CAPN2: variants seen among roughly 807,000 people sequenced by gnomAD.
The protein encoded by CAPN2 is calpain 2, also known as calpain-2 catalytic subunit.
In CAPN2, 92 loss-of-function variants were observed where a neutral mutation model predicts 102.3. That is an observed-to-expected ratio of 0.90 (90% CI 0.76 to 1.07). CAPN2 has a LOEUF of 1.07. Among genes scored for constraint, CAPN2 ranks in the 50% least tolerant of loss-of-function variants. CAPN2 has a pLI of 0.00. For missense variants in CAPN2, 800 were observed against 909.4 expected (o/e 0.88, Z 1.55); for synonymous variants, 340 against 355.4 (o/e 0.96, Z 0.49).
intron 2 of CAPN2, among the ~76,000 whole-genome samples, chr1:223,732,456 A>C (rs1387846077): frequency 6.6e-6 from 1 of 152,174 alleles, no homozygotes; most frequent in Non-Finnish European, 1.5e-5. Context: ...ACGTAGGGTA[A>C]CTTCCTGATG....
intron 1 of CAPN2, among the ~76,000 whole-genome samples, chr1:223,714,887 T>A (rs893271148): frequency 3.9e-5 from 6 of 152,200 alleles, no homozygotes; most frequent in Non-Finnish European, 5.9e-5. Context: ...CAGATGAGGA[T>A]GTAGAGGTCT....
intron 2 of CAPN2, among the ~76,000 whole-genome samples, chr1:223,737,994 A>G (rs551479979): frequency 1.0e-3 from 159 of 152,210 alleles, no homozygotes; most frequent in African/African-American, 3.6e-3. Context: ...CCTCATGCAC[A>G]AGTTCTATAC....
chr1:223,761,691 A>G, intron 13 of CAPN2, 74 bp downstream of exon 13: 7 of 1,274,044 alleles, frequency 5.5e-6, no homozygotes, highest in South Asian at 3.8e-5. Flanking sequence ...AAAAACTCCA[A>G]GAGTTTTTGG....
At position 223,745,274 on chromosome 1, in the gene CAPN2, T is replaced by A. The variant is rs749585291; in HGVS notation, c.427-32T>A. 1.4e-5 allele frequency: 23 copies of A among 1,613,672 alleles called. No homozygotes were observed. In the South Asian group the frequency reaches 1.6e-4, roughly 12 times the overall value. ...TCAGAGTCCCAGTGCTGCCACCAGC[T>A]CCTCCTGCAGCCCACCTCTCTTGTT... On this transcript the variant is annotated intron_variant, in intron 3 of 20. Coordinates refer to ENST00000295006, the MANE Select transcript of CAPN2 (RefSeq NM_001748.5).
At chr1:223,733,573 A>G (rs1367060551) in intron 2 of CAPN2, among the ~76,000 whole-genome samples, 1 of 152,090 alleles carries the variant, frequency 6.6e-6, no homozygotes, top group Admixed American at 6.6e-5. Context: ...GAGTGGAAGG[A>G]AGGGCTGGCT....
chr1:223,763,061 A>T (rs1393746045), intron 14 of CAPN2, among the ~76,000 whole-genome samples: 1 of 151,960 alleles, frequency 6.6e-6, no homozygotes, highest in Non-Finnish European at 1.5e-5. Context: ...GAGCTCAAGC[A>T]GTCCTCCCAC....
intron 1 of CAPN2, among the ~76,000 whole-genome samples, chr1:223,715,449 G>C (rs116505493): frequency 0.01 from 1,587 of 152,190 alleles, 22 homozygotes; most frequent in African/African-American, 0.036. Flanking sequence ...AGGCAGGGAG[G>C]GGGCAGTGAA....
chr1:223,768,612 A>C (rs1451146356), intron 16 of CAPN2, among the ~76,000 whole-genome samples: 3 of 151,532 alleles, frequency 2.0e-5, no homozygotes, highest in Non-Finnish European at 4.4e-5. Flanking sequence ...GTTTGAAGTC[A>C]GGTAGTGTGA....
chr1:223,727,267 C>T lies in CAPN2; in HGVS notation c.307+9436C>T, dbSNP rs79484389. Among the ~76,000 whole-genome samples the T allele has an allele frequency of 3.9e-4, 60 of 152,308 alleles. 3 individuals are homozygous for T. The East Asian group carries it at 6.9e-3, about 18-fold the overall frequency. On this transcript the variant is annotated intron_variant, in intron 2 of 20. Coordinates refer to ENST00000295006, the MANE Select transcript of CAPN2 (RefSeq NM_001748.5). This position sits in a 1 kb window ranked among gnomAD's most constrained non-coding sequence, Gnocchi z 4.1. Reference sequence around the variant, plus strand: ...AAAGAAATATAACGCAAAACAGGTACGATTTGAGATCCATCAGGGTTTCTC... The same window carrying T: ...AAAGAAATATAACGCAAAACAGGTATGATTTGAGATCCATCAGGGTTTCTC...
At chr1:223,715,798 C>T (rs7524132) in intron 1 of CAPN2, among the ~76,000 whole-genome samples, 100,816 of 152,042 alleles carry the variant, frequency 0.66, 35,184 homozygotes, top group Non-Finnish European at 0.78. Flanking sequence ...TTCAGCTGGC[C>T]GAACTCAGCC....
intron 20 of CAPN2, among the ~76,000 whole-genome samples, 175 bp from the exon 21 acceptor site, chr1:223,774,659 T>G (rs1661566866): frequency 6.6e-6 from 1 of 152,218 alleles, no homozygotes; most frequent in Admixed American, 6.5e-5. Context: ...ACTACTGACC[T>G]GTTAAAAGCT....
At chr1:223,752,771 T>C (rs780554814) in intron 8 of CAPN2, 25 bp from the exon 9 acceptor site, 2 of 1,613,046 alleles carry the variant, frequency 1.2e-6, no homozygotes, top group Admixed American at 3.3e-5. Context: ...TTATCACCTG[T>C]GATGATTGTC....
rs2102820165 is a variant in CAPN2 at position 223,774,927 on chromosome 1, T to A, written c.*70T>A. 7 of 1,337,872 alleles carry A rather than the reference T, an allele frequency of 5.2e-6. No individual in the cohort carries two copies. Among genetic ancestry groups the A allele is most frequent in the Admixed American group, 1.8e-5 (1 of 56,392 alleles). The allele number at this position is 1,337,872 out of a possible 1,614,324, so 82.9% of individuals were successfully genotyped here. A position where few individuals can be genotyped will look rare whatever the true frequency, so the allele number is the denominator to read the frequency against. On this transcript the variant is annotated 3_prime_UTR_variant, in exon 21 of 21. Transcript: ENST00000295006. ...GCCAAGGACTAAGCTTCCATAGAAA[T>A]ACACTTTGTATCTGGACCTCAAAAT... is the stretch of plus-strand genomic sequence containing the variant.
upstream of CAPN2, among the ~76,000 whole-genome samples, chr1:223,711,071 T>C (rs762555718): frequency 2.0e-5 from 3 of 152,166 alleles, no homozygotes; most frequent in Non-Finnish European, 4.4e-5. Flanking sequence ...TCTTGGACAT[T>C]GGAAGATGTT....
At chr1:223,722,561 AT>A (rs1660081496) in intron 2 of CAPN2, among the ~76,000 whole-genome samples, 1 of 151,882 alleles carries the variant, frequency 6.6e-6, no homozygotes, top group Non-Finnish European at 1.5e-5. Flanking sequence ...AAGTGCTGGG[AT>A]TACAGGTGCG....
intron 2 of CAPN2, among the ~76,000 whole-genome samples, chr1:223,740,995 C>T (rs1660596209): frequency 6.6e-6 from 1 of 152,192 alleles, no homozygotes; most frequent in South Asian, 2.1e-4. Context: ...TGATCCAGTC[C>T]ACCTCCTTAA....
chr1:223,748,800 G>A, intron 5 of CAPN2, among the ~76,000 whole-genome samples: 1 of 152,232 alleles, frequency 6.6e-6, no homozygotes, highest in Non-Finnish European at 1.5e-5. Flanking sequence ...GCCTGTGCTC[G>A]TTCCGCGAGA....
chr1:223,718,825 G>A lies in CAPN2; in HGVS notation c.307+994G>A, dbSNP rs543277475. 4.0e-4 allele frequency among the ~76,000 whole-genome samples: 61 copies of A among 152,272 alleles called. 1 individual carries two copies. Among genetic ancestry groups the A allele is most frequent in the Admixed American group, 1.5e-3 (23 of 15,300 alleles). ...AGCTAATATGTATCTCTAAGGCACC[G>A]TGATTATTCCCATTTTATAGATGAG... On this transcript the variant is annotated intron_variant, in intron 2 of 20. Coordinates refer to ENST00000295006, the MANE Select transcript of CAPN2 (RefSeq NM_001748.5).
upstream of CAPN2, among the ~76,000 whole-genome samples, chr1:223,709,661 C>CAAAAAAAAAAAAAAAAAAAAAAA (rs779362608): frequency 8.7e-5 from 12 of 137,826 alleles, no homozygotes; most frequent in African/African-American, 3.2e-4. Context: ...AACTCCATCT[C>CAAAAAAAAAAAAAAAAAAAAAAA]AAAAAAAAAA....
Sources: gnomAD v4.1 joint callset for allele counts (sites outside exome capture counted in the v4.1 genomes callset) on GRCh38, gnomAD v4.1.1 for gene constraint, Gnocchi (gnomAD v3.1) non-coding constraint, MANE v1.5 for transcripts, NCBI Gene and HGNC (gene_info 2026-07-23, HGNC 2026-07-21) for gene names.